The following CLPTM1 variants were observed in gnomAD, a reference collection of about 807,000 sequenced individuals.
CLPTM1 encodes putative lipid scramblase CLPTM1.
A neutral mutation model predicts 77.3 loss-of-function variants in CLPTM1; 21 were observed. The observed-to-expected ratio is 0.27, with a 90% CI of 0.19 to 0.39. The LOEUF is 0.39. Ranked by LOEUF, CLPTM1 falls within the 10% of genes least tolerant of loss-of-function variation. CLPTM1 has a pLI of 1.00. For synonymous variants in CLPTM1, 373 were observed against 381.0 expected (o/e 0.98, Z 0.24); for missense variants, 642 against 921.2 (o/e 0.70, Z 3.92).
chr19:44,993,044 A>G lies in CLPTM1; in HGVS notation c.*147A>G. 1.9e-6 allele frequency: 2 copies of G among 1,039,836 alleles called. No individual in the cohort carries two copies. The highest frequency in any genetic ancestry group is 2.9e-6 in the Non-Finnish European group (2 of 689,284). 64.4% of individuals were successfully genotyped at this position (1,039,836 alleles called of 1,614,324 possible). ...GCCTCAGGTCAGGGCCCAGCGTGTG[A>G]TGTAGGGGCCGGGGCAGGCCAGGGT... On this transcript the variant is annotated 3_prime_UTR_variant, in exon 14 of 14. Transcript: ENST00000337392.
intron 1 of CLPTM1, among the ~76,000 whole-genome samples, chr19:44,958,144 T>C (rs1970491640): frequency 6.6e-6 from 1 of 151,944 alleles, no homozygotes; most frequent in African/African-American, 2.4e-5. Context: ...AACAAAGACC[T>C]GAAGGAAGTG....
rs777187974 is a variant in CLPTM1 at position 44,992,601 on chromosome 19, C to T, written c.1724-10C>T. The T allele has an allele frequency of 1.4e-5, 22 of 1,613,302 alleles. No homozygotes were observed. The highest frequency in any genetic ancestry group is 1.9e-5 in the Non-Finnish European group (22 of 1,179,870). On this transcript the variant is annotated splice_polypyrimidine_tract_variant and intron_variant, in intron 13 of 13. Transcript: ENST00000337392. This position sits in a 1 kb window ranked among gnomAD's most constrained non-coding sequence, Gnocchi z 7.7. ...AGCCCGACCTCACACTGCCTCCCAC[C>T]CCTCTCCAGATGTGGTTTTCTTCAT...
chr19:44,987,937 T>G lies in CLPTM1; in HGVS notation c.1039-143T>G, dbSNP rs918847715. 4.3e-6 allele frequency: 3 copies of G among 693,798 alleles called. No homozygotes were observed. In the African/African-American group the frequency reaches 5.3e-5, roughly 12 times the overall value. The allele number at this position is 693,798 out of a possible 1,614,324, so 43.0% of individuals were successfully genotyped here. ...AGTCACCCTCCTCTCTCTCCCCATC[T>G]GCCCATCTCTGACCCAGTCTCCTCC... On this transcript the variant is annotated intron_variant, in intron 8 of 13. Transcript: ENST00000337392.
intron 5 of CLPTM1, among the ~76,000 whole-genome samples, chr19:44,984,050 T>C (rs1970941226): frequency 6.6e-6 from 1 of 152,208 alleles, no homozygotes; most frequent in Non-Finnish European, 1.5e-5. Flanking sequence ...CCCGGCAGCA[T>C]TTGGGACAAC....
intron 4 of CLPTM1, 96 bp from the exon 5 acceptor site, chr19:44,977,247 G>C (rs1970818977): frequency 2.3e-6 from 2 of 879,082 alleles, no homozygotes; most frequent in South Asian, 1.4e-5. Flanking sequence ...AGAGTTGAGG[G>C]GGAGGAAACT....
chr19:44,986,621 G>A (rs192716634), intron 7 of CLPTM1, 46 bp downstream of exon 7: 2 of 1,598,772 alleles, frequency 1.3e-6, no homozygotes, highest in East Asian at 4.5e-5. Context: ...CTTTGAGAGG[G>A]TGCTCGGGGT....
intron 3 of CLPTM1, among the ~76,000 whole-genome samples, chr19:44,973,751 G>A (rs1970758495): frequency 7.1e-6 from 1 of 140,904 alleles, no homozygotes; most frequent in Non-Finnish European, 1.5e-5. Flanking sequence ...TTCTTGTTGG[G>A]TCACAGTGGG....
Position 44,955,421 on chromosome 19 carries a change from G to A in CLPTM1, c.26G>A (p.Gly9Glu), listed in dbSNP as rs981082621. 7.5e-7 allele frequency: 1 copy of A among 1,336,888 alleles called. No individual in the cohort carries two copies. The highest frequency in any genetic ancestry group is 1.5e-5 in the African/African-American group (1 of 64,732). The allele number at this position is 1,336,888 out of a possible 1,614,324, so 82.8% of individuals were successfully genotyped here. A position where few individuals can be genotyped will look rare whatever the true frequency, so the allele number is the denominator to read the frequency against. Residue 9 changes from glycine (G) to glutamate (E), a missense_variant, in exon 1 of 14, where the codon GGG becomes GAG. Transcript: ENST00000337392. ...ATGGCGGCGGCGCAGGAGGCGGACG[G>A]GGCCCGCAGCGCCGTGGTGGCGGCC... MAAAQEAD[G>E]ARSAVVAAGG...
chr19:44,955,010 A>G (rs1243189481), upstream of CLPTM1: 15 of 1,535,598 alleles, frequency 9.8e-6, no homozygotes, highest in Non-Finnish European at 1.3e-5. Context: ...CTCAAGAAAC[A>G]TGGAACGAAA....
chr19:44,990,128 C>CA lies in CLPTM1; in HGVS notation c.1133-266dup. On this transcript the variant is annotated intron_variant, in intron 9 of 13. Transcript: ENST00000337392. The surrounding 1 kb of genome is among the most constrained non-coding windows in gnomAD (Gnocchi z 4.8). ...CCCTGTCCATGGCACCAGTCACCGTCACCATCAGTCAAGGGACTGCACCTT... is the reference window on the plus strand; with the variant it reads ...CCCTGTCCATGGCACCAGTCACCGTCAACCATCAGTCAAGGGACTGCACCTT... 2.1e-6 allele frequency: 1 copy of CA among 482,530 alleles called. No homozygotes were observed. Among genetic ancestry groups the CA allele is most frequent in the East Asian group, 3.2e-5 (1 of 30,948 alleles). The allele number at this position is 482,530 out of a possible 1,614,324, so 29.9% of individuals were successfully genotyped here. A position where few individuals can be genotyped will look rare whatever the true frequency, so the allele number is the denominator to read the frequency against.
chr19:44,979,192 C>T (rs1970853756), intron 5 of CLPTM1, among the ~76,000 whole-genome samples: 1 of 152,088 alleles, frequency 6.6e-6, no homozygotes, highest in African/African-American at 2.4e-5. Flanking sequence ...GTTGGCCAGG[C>T]TGGTCTCAAA....
At chr19:44,983,126 G>A (rs1970924065) in intron 5 of CLPTM1, among the ~76,000 whole-genome samples, 1 of 151,852 alleles carries the variant, frequency 6.6e-6, no homozygotes, top group Admixed American at 6.6e-5. Context: ...CCAAGAAGTG[G>A]TGAGGCTTTT....
At position 44,986,586 on chromosome 19, in the gene CLPTM1, C is replaced by T. The variant is rs772413250; in HGVS notation, c.793+11C>T. On this transcript the variant is annotated intron_variant, in intron 7 of 13. Transcript: ENST00000337392. ...CTCCCCTGGATCAATGTAAGCTCCC[C>T]AGCCCTGCCAGCTGCCTGCAGAGCC... is the stretch of plus-strand genomic sequence containing the variant. 3 of 1,612,434 alleles carry T rather than the reference C, an allele frequency of 1.9e-6. No individual in the cohort carries two copies. The highest frequency in any genetic ancestry group is 1.7e-6 in the Non-Finnish European group (2 of 1,179,412).
At chr19:44,986,928 A>G in intron 7 of CLPTM1, 1 of 553,034 alleles carries the variant, frequency 1.8e-6, no homozygotes, top group Non-Finnish European at 3.2e-6. Flanking sequence ...TTACATGGTC[A>G]CCCACAGGGC....
intron 9 of CLPTM1, among the ~76,000 whole-genome samples, chr19:44,988,865 G>C (rs979035677): frequency 6.6e-6 from 1 of 152,220 alleles, no homozygotes; most frequent in Non-Finnish European, 1.5e-5. Context: ...CAAGAGGAAT[G>C]AGTAGTAGTA....
intron 9 of CLPTM1, 122 bp downstream of exon 9, chr19:44,988,295 C>G (rs1971015457): frequency 6.7e-6 from 5 of 742,554 alleles, no homozygotes; most frequent in African/African-American, 1.7e-5. Flanking sequence ...CAGCCCCACT[C>G]TCCAGAGGCC....
intron 1 of CLPTM1, among the ~76,000 whole-genome samples, chr19:44,958,251 A>C (rs1970492921): frequency 6.6e-6 from 1 of 152,052 alleles, no homozygotes; most frequent in African/African-American, 2.4e-5. Flanking sequence ...GGTGTGATGA[A>C]GGAAGGGCGA....
At chr19:44,966,600 A>G (rs1244594902) in intron 2 of CLPTM1, among the ~76,000 whole-genome samples, 3 of 152,182 alleles carry the variant, frequency 2.0e-5, no homozygotes, top group Non-Finnish European at 1.5e-5. Flanking sequence ...CAGCCCTGCC[A>G]CCTCTGAGCT....
chr19:44,984,299 A>G (rs975654120), intron 5 of CLPTM1: 3 of 152,324 alleles, frequency 2.0e-5, no homozygotes, highest in African/African-American at 7.2e-5. Flanking sequence ...ATTTCCGCAC[A>G]GAGTTTGCAG....
Sources: allele counts gnomAD v4.1 joint callset (sites outside exome capture counted in the v4.1 genomes callset), GRCh38; gene constraint gnomAD v4.1.1; non-coding constraint Gnocchi (gnomAD v3.1); transcripts MANE v1.5; gene names NCBI Gene and HGNC (gene_info 2026-07-23, HGNC 2026-07-21).